The following CNTN1 variants were observed in gnomAD, a reference collection of about 807,000 sequenced individuals.
The protein encoded by CNTN1 is contactin 1.
Under a neutral mutation model 126.4 loss-of-function variants are expected in CNTN1, and 38 were observed. The ratio of observed to expected loss-of-function variants is 0.30; its 90% CI spans 0.23 to 0.39. The LOEUF is 0.39. Ranked by LOEUF, CNTN1 falls within the 10% of genes least tolerant of loss-of-function variation. The pLI is 1.00. For synonymous variants in CNTN1, 413 were observed against 422.6 expected (o/e 0.98, Z 0.28); for missense variants, 1,009 against 1,248.4 (o/e 0.81, Z 2.89).
At chr12:40,863,930 C>CCTT (rs1318662433) in intron 1 of CNTN1, among the ~76,000 whole-genome samples, 156 of 101,758 alleles carry the variant, frequency 1.5e-3, no homozygotes, top group African/African-American at 7.3e-3. Flanking sequence ...CTTCCTTCCT[C>CCTT]CCTCCCTCCC....
chr12:40,915,879 G>T (rs536583884), intron 3 of CNTN1, among the ~76,000 whole-genome samples: 12 of 152,158 alleles, frequency 7.9e-5, no homozygotes, highest in African/African-American at 2.9e-4. Flanking sequence ...TACCACTGTT[G>T]TAAGAAGTGG....
intron 23 of CNTN1, among the ~76,000 whole-genome samples, chr12:41,054,245 C>G (rs1489416722): frequency 6.6e-6 from 1 of 151,692 alleles, no homozygotes; most frequent in East Asian, 1.9e-4. Flanking sequence ...GGAGTTATAG[C>G]ATCGATATTG....
intron 1 of CNTN1, among the ~76,000 whole-genome samples, chr12:40,827,154 A>G (rs546723998): frequency 1.3e-5 from 2 of 151,528 alleles, no homozygotes; most frequent in Non-Finnish European, 2.9e-5. Context: ...AGCAAAATTA[A>G]ATGTACATTT....
chr12:41,012,588 A>T (rs1238591989), intron 17 of CNTN1, among the ~76,000 whole-genome samples: 1 of 152,206 alleles, frequency 6.6e-6, no homozygotes, highest in Non-Finnish European at 1.5e-5. Flanking sequence ...CCAGCCCCAC[A>T]TGACGGCTGA....
At chr12:40,779,699 A>G (rs995911779) in intron 1 of CNTN1, among the ~76,000 whole-genome samples, 1 of 151,912 alleles carries the variant, frequency 6.6e-6, no homozygotes, top group East Asian at 1.9e-4. Flanking sequence ...TTGGAATCCA[A>G]CATAGAAGTT....
chr12:40,957,707 C>G (rs947639184), intron 14 of CNTN1, among the ~76,000 whole-genome samples: 3 of 151,770 alleles, frequency 2.0e-5, no homozygotes, highest in African/African-American at 7.3e-5. Flanking sequence ...AATTTTTGAC[C>G]AATCTATACC....
At chr12:40,979,591 T>C (rs1050412081) in intron 15 of CNTN1, among the ~76,000 whole-genome samples, 1 of 152,082 alleles carries the variant, frequency 6.6e-6, no homozygotes, top group Admixed American at 6.6e-5. Context: ...CTGGTGCAAA[T>C]AGAACAAGTG....
intron 1 of CNTN1, among the ~76,000 whole-genome samples, chr12:40,801,630 T>C (rs150975811): frequency 1.7e-4 from 25 of 151,494 alleles, no homozygotes; most frequent in Admixed American, 5.3e-4. Context: ...TGGAAAAGAA[T>C]AGGGAGATTG....
chr12:40,718,160 T>C lies in CNTN1; in HGVS notation c.-77+25568T>C, dbSNP rs574888630. The stretch of plus-strand genomic sequence containing the variant: ...TTGTAAGGATATTTCCTGAGGTTCA[T>C]GAAAGGTTTTTTGTTTTGTTTTGTT... On this transcript the variant is annotated intron_variant, in intron 1 of 23. Transcript: ENST00000551295. 5.7e-4 allele frequency among the ~76,000 whole-genome samples: 86 copies of C among 152,166 alleles called. 1 individual carries two copies. Among genetic ancestry groups the C allele is most frequent in the African/African-American group, 1.9e-3 (80 of 41,516 alleles).
At chr12:40,992,710 T>G (rs940910886) in intron 16 of CNTN1, among the ~76,000 whole-genome samples, 1 of 152,206 alleles carries the variant, frequency 6.6e-6, no homozygotes, top group African/African-American at 2.4e-5. Flanking sequence ...TTGCTAGCCA[T>G]AGACTATATC....
chr12:40,767,309 T>TC (rs1459966162), intron 1 of CNTN1, among the ~76,000 whole-genome samples: 1 of 135,636 alleles, frequency 7.4e-6, no homozygotes, highest in African/African-American at 2.7e-5. Flanking sequence ...CTTTCCTTTT[T>TC]TTTTTTTTTT....
intron 1 of CNTN1, among the ~76,000 whole-genome samples, chr12:40,840,237 TA>T (rs567862048): frequency 9.9e-5 from 15 of 151,910 alleles, no homozygotes; most frequent in African/African-American, 3.4e-4. Context: ...AAAAGCAGTT[TA>T]AAAAAAGACA....
intron 1 of CNTN1, among the ~76,000 whole-genome samples, chr12:40,814,190 C>T (rs959452386): frequency 1.3e-5 from 2 of 152,144 alleles, no homozygotes; most frequent in African/African-American, 4.8e-5. Flanking sequence ...TGCAGAAGCT[C>T]TTTAGTTTAA....
chr12:40,758,117 T>C (rs766324896), intron 1 of CNTN1, among the ~76,000 whole-genome samples: 27 of 150,884 alleles, frequency 1.8e-4, no homozygotes, highest in Non-Finnish European at 7.4e-5. Flanking sequence ...ACATTGTAGA[T>C]AGTTATTATC....
intron 11 of CNTN1, among the ~76,000 whole-genome samples, chr12:40,938,885 C>T (rs1946169738): frequency 6.6e-6 from 1 of 152,098 alleles, no homozygotes; most frequent in Non-Finnish European, 1.5e-5. Context: ...GGTGATCCTC[C>T]ACCTCAGCCT....
At chr12:40,837,682 C>T (rs1301541448) in intron 1 of CNTN1, among the ~76,000 whole-genome samples, 1 of 152,106 alleles carries the variant, frequency 6.6e-6, no homozygotes, top group Non-Finnish European at 1.5e-5. Context: ...TTGGGCTGTC[C>T]CTGATGGGAC....
At chr12:40,996,036 G>A (rs1948203964) in intron 17 of CNTN1, among the ~76,000 whole-genome samples, 1 of 152,154 alleles carries the variant, frequency 6.6e-6, no homozygotes. Context: ...TCTGAAGACA[G>A]TGGGCAGTAT....
intron 23 of CNTN1, among the ~76,000 whole-genome samples, chr12:41,044,855 T>A (rs1949506866): frequency 6.6e-6 from 1 of 152,102 alleles, no homozygotes; most frequent in African/African-American, 2.4e-5. Flanking sequence ...GTATTGGGTA[T>A]TAGCAAAATT....
intron 1 of CNTN1, among the ~76,000 whole-genome samples, chr12:40,781,780 A>G (rs915555701): frequency 6.6e-5 from 10 of 151,952 alleles, no homozygotes; most frequent in Non-Finnish European, 1.2e-4. Context: ...TGTCTTCTCA[A>G]TTGTTCTCTA....
Sources: gnomAD v4.1 joint callset for allele counts (sites outside exome capture counted in the v4.1 genomes callset) on GRCh38, gnomAD v4.1.1 for gene constraint, MANE v1.5 for transcripts, NCBI Gene and HGNC (gene_info 2026-07-23, HGNC 2026-07-21) for gene names.